Variants in DST observed in about 807,000 individuals in gnomAD.
DST encodes the protein bullous pemphigoid antigen.
A neutral mutation model predicts 875.2 loss-of-function variants in DST; 253 were observed. The ratio of observed to expected loss-of-function variants is 0.29; its 90% CI spans 0.26 to 0.32. DST has a LOEUF of 0.32. DST is among the 10% of genes least tolerant of loss of function. DST has a pLI of 1.00. For missense variants in DST, 8,287 were observed against 9,111.6 expected (o/e 0.91, Z 3.68); for synonymous variants, 3,124 against 3,197.1 (o/e 0.98, Z 0.77).
chr6:56,912,941 C>T (rs778651707), intron 2 of DST, among the ~76,000 whole-genome samples: 1 of 152,174 alleles, frequency 6.6e-6, no homozygotes, highest in African/African-American at 2.4e-5. Flanking sequence ...GAGCAAAACA[C>T]AGTCTACCAC....
intron 64 of DST, among the ~76,000 whole-genome samples, chr6:56,531,342 G>C (rs73455741): frequency 9.0e-4 from 137 of 152,204 alleles, no homozygotes; most frequent in African/African-American, 3.2e-3. Context: ...AGTTATGGTA[G>C]TAAAGCAGAG....
intron 4 of DST, among the ~76,000 whole-genome samples, chr6:56,783,193 A>G (rs2099697839): frequency 6.6e-6 from 1 of 152,132 alleles, no homozygotes; most frequent in Admixed American, 6.5e-5. Context: ...AAAAAAATGT[A>G]TATTCTGTTG....
intron 4 of DST, chr6:56,851,189 G>A (rs62411404): frequency 1.8e-6 from 1 of 570,754 alleles, no homozygotes; most frequent in Admixed American, 3.0e-5. Flanking sequence ...CCAGAAGGCA[G>A]GGCCAAACAG....
At chr6:56,479,070 C>T (rs988923038) in intron 90 of DST, among the ~76,000 whole-genome samples, 10 of 152,024 alleles carry the variant, frequency 6.6e-5, no homozygotes, top group African/African-American at 2.4e-4. Context: ...AACAACTCAA[C>T]AAGAAAACAA....
At chr6:56,677,582 T>C (rs2099137147) in intron 9 of DST, among the ~76,000 whole-genome samples, 1 of 152,222 alleles carries the variant, frequency 6.6e-6, no homozygotes, top group Non-Finnish European at 1.5e-5. Context: ...AGTGCTGGGA[T>C]TATAGGCATG....
At chr6:56,943,219 GTAAAA>G (rs1817609382) in intron 2 of DST, among the ~76,000 whole-genome samples, 1 of 152,104 alleles carries the variant, frequency 6.6e-6, no homozygotes, top group Non-Finnish European at 1.5e-5. Flanking sequence ...GTGACTGTAA[GTAAAA>G]CACAAATTCA....
At chr6:56,536,376 C>A (rs2096999158) in intron 62 of DST, among the ~76,000 whole-genome samples, 1 of 152,194 alleles carries the variant, frequency 6.6e-6, no homozygotes, top group African/African-American at 2.4e-5. Flanking sequence ...GAAGGTTTCA[C>A]ATAGAAAGTG....
At chr6:56,637,108 C>CAAA (rs58866854) in intron 22 of DST, among the ~76,000 whole-genome samples, 4 of 147,214 alleles carry the variant, frequency 2.7e-5, no homozygotes, top group African/African-American at 9.9e-5. Context: ...AACAAACAAA[C>CAAA]AAAAAAAAAA....
At chr6:56,547,315 C>CAT (rs1429391497) in intron 61 of DST, among the ~76,000 whole-genome samples, 1 of 152,174 alleles carries the variant, frequency 6.6e-6, no homozygotes, top group Admixed American at 6.6e-5. Context: ...TCTTGACCAG[C>CAT]ATATGGAGTA....
chr6:56,794,904 C>A (rs147164756), intron 4 of DST, among the ~76,000 whole-genome samples: 6 of 152,236 alleles, frequency 3.9e-5, no homozygotes, highest in African/African-American at 9.6e-5. Flanking sequence ...CCAGGAGTTC[C>A]CCCACTGCAA....
chr6:56,908,077 AAGAAAATACATATATATATATACAC>A (rs898688014), intron 2 of DST, among the ~76,000 whole-genome samples: 5 of 151,014 alleles, frequency 3.3e-5, no homozygotes, highest in Non-Finnish European at 7.4e-5. Context: ...AAAACAAAAA[AAGAAAATACATATATATATATACAC>A]ACACACACAC....
At position 56,852,563 on chromosome 6, in the gene DST, A is replaced by G. The variant is rs1180870231; in HGVS notation, c.418-959T>C. ...ATCTTCCATAGAGGGAAAAGGCACAAGATGTTATTCCTTCCTTCTTTGTTG... is the reference window on the plus strand; with the variant it reads ...ATCTTCCATAGAGGGAAAAGGCACAGGATGTTATTCCTTCCTTCTTTGTTG... On this transcript the variant is annotated intron_variant, in intron 3 of 103. Coordinates refer to ENST00000680361, the MANE Select transcript of DST (RefSeq NM_001374736.1). 2.6e-5 allele frequency among the ~76,000 whole-genome samples: 4 copies of G among 152,238 alleles called. No homozygotes were observed. The East Asian group carries it at 5.8e-4, about 22-fold the overall frequency.
intron 4 of DST, among the ~76,000 whole-genome samples, chr6:56,808,442 G>T (rs1393949978): frequency 2.0e-5 from 3 of 152,040 alleles, no homozygotes; most frequent in Non-Finnish European, 4.4e-5. Flanking sequence ...AAAACTTAAT[G>T]CAGTGGGAAA....
chr6:56,845,867 T>A (rs1464229122), intron 4 of DST, among the ~76,000 whole-genome samples: 1 of 152,240 alleles, frequency 6.6e-6, no homozygotes, highest in Non-Finnish European at 1.5e-5. Flanking sequence ...GGATTGTTTT[T>A]AAAAACAGCC....
chr6:56,504,054 T>C lies in DST; in HGVS notation c.19509A>G (p.Ser6503=), dbSNP rs746644188. The C allele has an allele frequency of 3.1e-6, 5 of 1,609,378 alleles. No homozygotes were observed. The Admixed American group carries it at 5.1e-5, about 16-fold the overall frequency. The change falls in exon 78 of 104, where the codon TCA becomes TCG. Residue 6503 remains serine (S), a synonymous_variant. Coordinates refer to ENST00000680361, the MANE Select transcript of DST (RefSeq NM_001374736.1). The part of the protein sequence containing the change: ...WVDIAGGKLA[S]MSPIGTDLET... ...CGAGATCTGTTCCAATTGGAGACAT[T>C]GAAGCTAATTTACCACCTGCAATAT...
intron 49 of DST, among the ~76,000 whole-genome samples, chr6:56,587,958 C>T (rs1041160378): frequency 7.2e-5 from 11 of 152,008 alleles, no homozygotes; most frequent in South Asian, 2.1e-4. Context: ...TGCAAAATCA[C>T]GCCAAAATGT....
Position 56,476,152 on chromosome 6 carries a change from G to A in DST, c.21861C>T (p.His7287=). 6.2e-7 allele frequency: 1 copy of A among 1,600,002 alleles called. No homozygotes were observed. Among genetic ancestry groups the A allele is most frequent in the Non-Finnish European group, 8.5e-7 (1 of 1,173,106 alleles). ...IEEVKALIAE[H]QTFMEEMTRK... is the part of the protein sequence containing the mutation. ...GTTAGGATTATATTTATTTTACCTGGTGTTCTGCAATGAGTGCTTTCACCT... is the reference window on the plus strand; with the variant it reads ...GTTAGGATTATATTTATTTTACCTGATGTTCTGCAATGAGTGCTTTCACCT... Residue 7287 remains histidine (H), a synonymous_variant, in exon 92 of 104, where the codon CAC becomes CAT. Transcript: ENST00000680361.
At chr6:56,574,255 A>G (rs376970389) in intron 50 of DST, among the ~76,000 whole-genome samples, 1 of 152,310 alleles carries the variant, frequency 6.6e-6, no homozygotes, top group African/African-American at 2.4e-5. Context: ...CACATTAGCC[A>G]TACTTATTGA....
intron 9 of DST, among the ~76,000 whole-genome samples, chr6:56,686,324 G>C (rs568062842): frequency 3.9e-5 from 6 of 152,238 alleles, no homozygotes; most frequent in Non-Finnish European, 5.9e-5. Flanking sequence ...AGTGGGAGAA[G>C]GGTTGAAAAA....
Sources: allele counts gnomAD v4.1 joint callset (sites outside exome capture counted in the v4.1 genomes callset), GRCh38; gene constraint gnomAD v4.1.1; transcripts MANE v1.5; gene names NCBI Gene and HGNC (gene_info 2026-07-23, HGNC 2026-07-21).